CCDC178: variants seen among roughly 807,000 people sequenced by gnomAD.
CCDC178 encodes coiled-coil domain-containing protein 178.
Under a neutral mutation model 117.4 loss-of-function variants are expected in CCDC178, and 126 were observed. The ratio of observed to expected loss-of-function variants is 1.07; its 90% CI spans 0.93 to 1.24. The LOEUF (loss-of-function observed/expected upper bound fraction) is 1.24, where lower values mean the gene tolerates loss of function less well. Among genes scored for constraint, CCDC178 ranks in the 50% most tolerant of loss-of-function variants. The probability of loss-of-function intolerance (pLI) is 0.00; values close to 1 mark genes in which losing one functional copy is unlikely to be tolerated. For missense variants in CCDC178, 1,030 were observed against 986.9 expected, an observed-to-expected ratio of 1.04 and a Z score of -0.59; for synonymous variants, 283 against 313.4, an observed-to-expected ratio of 0.90 and a Z score of 1.02.
chr18:33,165,454 T>C (rs1380377621), intron 20 of CCDC178, among the ~76,000 whole-genome samples: 1 of 152,180 alleles, frequency 6.6e-6, no homozygotes, highest in Non-Finnish European at 1.5e-5. Context: ...CCATTGTATG[T>C]TGGGAACTTG....
chr18:33,204,322 AT>A (rs1325280257), intron 20 of CCDC178, among the ~76,000 whole-genome samples: 1 of 152,148 alleles, frequency 6.6e-6, no homozygotes, highest in Non-Finnish European at 1.5e-5. Flanking sequence ...AAAAATAGGA[AT>A]GAAAGGTTAT....
chr18:32,956,577 A>G (rs1296570097), intron 22 of CCDC178: 1 of 152,240 alleles, frequency 6.6e-6, no homozygotes, highest in Non-Finnish European at 1.5e-5. Context: ...AATCACTTAC[A>G]CTATTTGAGT....
intron 22 of CCDC178, 93 bp downstream of exon 22, chr18:32,974,454 T>C: frequency 2.5e-6 from 3 of 1,188,316 alleles, no homozygotes; most frequent in Non-Finnish European, 3.6e-6. Flanking sequence ...AAAACTCTGA[T>C]GGGATATGGT....
intron 21 of CCDC178, among the ~76,000 whole-genome samples, chr18:33,037,522 A>G (rs1344343110): frequency 6.6e-6 from 1 of 151,964 alleles, no homozygotes; most frequent in Non-Finnish European, 1.5e-5. Context: ...ACCGTAGTTG[A>G]CTAGTAAGTA....
chr18:32,939,148 T>G (rs914125746), intron 22 of CCDC178, among the ~76,000 whole-genome samples: 1 of 152,152 alleles, frequency 6.6e-6, no homozygotes, highest in African/African-American at 2.4e-5. Context: ...TGTAGAGATA[T>G]AAGGCTATAT....
At chr18:33,013,778 T>C (rs1209638523) in intron 21 of CCDC178, among the ~76,000 whole-genome samples, 1 of 152,198 alleles carries the variant, frequency 6.6e-6, no homozygotes, top group African/African-American at 2.4e-5. Context: ...GGGAAGACTA[T>C]ATATATGCAT....
At chr18:33,102,274 T>C (rs1188565494) in intron 20 of CCDC178, among the ~76,000 whole-genome samples, 1 of 151,738 alleles carries the variant, frequency 6.6e-6, no homozygotes, top group African/African-American at 2.4e-5. Flanking sequence ...CTGACACCCT[T>C]TCTGGGTTTA....
At chr18:33,248,326 G>T (rs1160161388) in intron 14 of CCDC178, among the ~76,000 whole-genome samples, 3 of 151,632 alleles carry the variant, frequency 2.0e-5, no homozygotes, top group African/African-American at 7.3e-5. Context: ...ACAATGTGCA[G>T]GTTTGTTACA....
At chr18:33,153,440 A>T (rs2144350615) in intron 20 of CCDC178, among the ~76,000 whole-genome samples, 1 of 152,126 alleles carries the variant, frequency 6.6e-6, no homozygotes, top group Admixed American at 6.5e-5. Context: ...CCTCTTACTA[A>T]ACTTTTATCT....
chr18:33,170,207 G>A (rs945477248), intron 20 of CCDC178, among the ~76,000 whole-genome samples: 2 of 151,950 alleles, frequency 1.3e-5, no homozygotes, highest in East Asian at 1.9e-4. Context: ...ATGGTTTCAG[G>A]GAGTTTAAGG....
chr18:33,428,608 T>C (rs996502365), intron 2 of CCDC178, among the ~76,000 whole-genome samples: 2 of 151,694 alleles, frequency 1.3e-5, no homozygotes, highest in Non-Finnish European at 2.9e-5. Flanking sequence ...GGTGCACGCC[T>C]GTAATCCCAG....
chr18:33,074,494 T>A (rs925113824), intron 21 of CCDC178, among the ~76,000 whole-genome samples: 1 of 152,202 alleles, frequency 6.6e-6, no homozygotes, highest in African/African-American at 2.4e-5. Context: ...CATTTAGGCA[T>A]CCACCTGAAG....
intron 11 of CCDC178, among the ~76,000 whole-genome samples, chr18:33,313,171 T>C (rs921369865): frequency 2.6e-5 from 4 of 152,162 alleles, no homozygotes; most frequent in Admixed American, 2.6e-4. Flanking sequence ...ACCTATTCCA[T>C]CTTACATGCA....
intron 14 of CCDC178, among the ~76,000 whole-genome samples, chr18:33,250,704 G>A (rs2059610567): frequency 6.6e-6 from 1 of 151,572 alleles, no homozygotes; most frequent in South Asian, 2.1e-4. Context: ...GAACATCATA[G>A]GACAGGAAAT....
At chr18:32,949,142 A>G (rs2054419832) in intron 22 of CCDC178, among the ~76,000 whole-genome samples, 2 of 152,060 alleles carry the variant, frequency 1.3e-5, no homozygotes, top group South Asian at 2.1e-4. Flanking sequence ...GGCACATTAC[A>G]TGTCTATTTT....
At chr18:33,342,860 C>A (rs754743797) in intron 9 of CCDC178, among the ~76,000 whole-genome samples, 5 of 152,176 alleles carry the variant, frequency 3.3e-5, no homozygotes, top group Admixed American at 6.5e-5. Context: ...AAAGACAAAA[C>A]AATTCAAAAC....
In CCDC178 at chr18:33,056,265, C is replaced by T. The variant is rs148686205; in HGVS notation, c.2388+36496G>A. ...GGATGAGCAGGGGTCAGTTCACAATCATCAAGCAAACATCTATTGACTATC... is the reference window on the plus strand; with the variant it reads ...GGATGAGCAGGGGTCAGTTCACAATTATCAAGCAAACATCTATTGACTATC... On this transcript the variant is annotated intron_variant, in intron 21 of 22. Coordinates refer to ENST00000383096, the MANE Select transcript of CCDC178 (RefSeq NM_001105528.4). 6.4e-4 allele frequency among the ~76,000 whole-genome samples: 98 copies of T among 152,308 alleles called. 1 individual carries two copies. The Middle Eastern group carries it at 0.014, about 21-fold the overall frequency.
chr18:33,207,663 G>C (rs2059060823), intron 20 of CCDC178, among the ~76,000 whole-genome samples: 1 of 151,396 alleles, frequency 6.6e-6, no homozygotes, highest in African/African-American at 2.4e-5. Context: ...GATGCTTCTA[G>C]GTAGTTAAAA....
chr18:33,389,785 A>G (rs1470230362), intron 4 of CCDC178, among the ~76,000 whole-genome samples, 156 bp from the exon 5 acceptor site: 1 of 151,870 alleles, frequency 6.6e-6, no homozygotes, highest in Non-Finnish European at 1.5e-5. Context: ...ACAGTAGAGT[A>G]TCTTCAGATA....
Sources: allele counts gnomAD v4.1 joint callset (sites outside exome capture counted in the v4.1 genomes callset), GRCh38; gene constraint gnomAD v4.1.1; transcripts MANE v1.5; gene names NCBI Gene and HGNC (gene_info 2026-07-23, HGNC 2026-07-21).